The following DNAJC25 variants were observed in gnomAD, a reference collection of about 807,000 sequenced individuals.
DNAJC25 encodes the protein dnaJ homolog subfamily C member 25.
DNAJC25 carries 26 observed loss-of-function variants against 42.1 expected under a neutral mutation model. That is an observed-to-expected ratio of 0.62 (90% CI 0.45 to 0.86). DNAJC25 has a LOEUF of 0.86. Among genes scored for constraint, DNAJC25 ranks in the 40% least tolerant of loss-of-function variants. The probability of loss-of-function intolerance (pLI) is 0.00; values close to 1 mark genes in which losing one functional copy is unlikely to be tolerated. For missense variants in DNAJC25, 404 were observed against 459.4 expected (o/e 0.88, Z 1.10); for synonymous variants, 189 against 179.9 (o/e 1.05, Z -0.40).
At chr9:111,633,431 A>G (rs1384446584) in intron 1 of DNAJC25, among the ~76,000 whole-genome samples, 1 of 152,194 alleles carries the variant, frequency 6.6e-6, no homozygotes, top group African/African-American at 2.4e-5. Flanking sequence ...GATTTCACAC[A>G]CTGCTTTATA....
At chr9:111,643,689 T>A (rs764614445) in intron 1 of DNAJC25, among the ~76,000 whole-genome samples, 27 of 150,362 alleles carry the variant, frequency 1.8e-4, no homozygotes, top group Non-Finnish European at 3.5e-4. Flanking sequence ...CCTGGTGGCA[T>A]GCAAAGGAAA....
rs570363437 is a variant in DNAJC25 at position 111,650,722 on chromosome 9, C to T, written c.960+799C>T. ...TGTTGTCTAGGATGGTCTCAAACTC[C>T]TGAGCTCAAGCAATCTGCCCACCTT... is the stretch of plus-strand genomic sequence containing the variant. On this transcript the variant is annotated intron_variant, in intron 3 of 3. Transcript: ENST00000313525. 4.6e-5 allele frequency among the ~76,000 whole-genome samples: 7 copies of T among 152,218 alleles called. No individual in the cohort carries two copies. The East Asian group carries it at 1.4e-3, about 29-fold the overall frequency.
chr9:111,648,477 C>A (rs540713457), intron 2 of DNAJC25, among the ~76,000 whole-genome samples: 23 of 151,986 alleles, frequency 1.5e-4, no homozygotes, highest in African/African-American at 5.3e-4. Context: ...GCCGTGTTGC[C>A]CAGGCTGGTC....
Position 111,631,538 on chromosome 9 carries a change from A to C in DNAJC25, c.131A>C (p.Tyr44Ser). 2 of 1,375,990 alleles carry C rather than the reference A, an allele frequency of 1.5e-6. No individual in the cohort carries two copies. Among genetic ancestry groups the C allele is most frequent in the Non-Finnish European group, 1.9e-6 (2 of 1,073,050 alleles). 85.2% of individuals were successfully genotyped at this position (1,375,990 alleles called of 1,614,324 possible). A position where few individuals can be genotyped will look rare whatever the true frequency, so the allele number is the denominator to read the frequency against. ...GCGGGGGCCCTGGTGGAGGGGCTCTACTGCGGCACGCGGGACTGCTACGAG... is the reference window on the plus strand; with the variant it reads ...GCGGGGGCCCTGGTGGAGGGGCTCTCCTGCGGCACGCGGGACTGCTACGAG... ...RPAGALVEGLYCGTRDCYEVL... is the reference protein window; with the variant it reads ...RPAGALVEGLSCGTRDCYEVL... Residue 44 changes from tyrosine (Y) to serine (S), a missense_variant, in exon 1 of 4, where the codon TAC (tyrosine) becomes TCC (serine). Physicochemically the swap from Tyr to Ser is moderately radical, Grantham distance 144. Transcript: ENST00000313525.
intron 1 of DNAJC25, among the ~76,000 whole-genome samples, chr9:111,639,523 ATAGAGAAGAAGATAAGTTGCACTAGTGAC>A (rs1375636056): frequency 6.6e-6 from 1 of 152,186 alleles, no homozygotes; most frequent in Admixed American, 6.5e-5. Flanking sequence ...AGAAGAGAAG[ATAGAGAAGAAGATAAGTTGCACTAGTGAC>A]TAGTGGGCAG....
At chr9:111,638,928 ACTCG>A (rs1830403345) in intron 1 of DNAJC25, among the ~76,000 whole-genome samples, 1 of 151,400 alleles carries the variant, frequency 6.6e-6, no homozygotes, top group African/African-American at 2.4e-5. Flanking sequence ...TATATTTACT[ACTCG>A]TTTCTTCCTA....
Position 111,647,175 on chromosome 9 carries a change from C to T in DNAJC25, c.405C>T (p.Tyr135=). ...DHPEEYYSHY[Y]HYYSRRLAPK... ...CAGAAGAGTACTACAGCCATTACTA[C>T]CACTACTATAGCAGGCGCTTGGCCC... Residue 135 remains tyrosine, a synonymous_variant, in exon 2 of 4, where the codon TAC becomes TAT. Transcript: ENST00000313525. 6.2e-7 allele frequency: 1 copy of T among 1,614,162 alleles called. No homozygotes were observed. Among genetic ancestry groups the T allele is most frequent in the Non-Finnish European group, 8.5e-7 (1 of 1,180,028 alleles).
chr9:111,647,318 T>C, intron 2 of DNAJC25, 59 bp downstream of exon 2: 1 of 1,562,424 alleles, frequency 6.4e-7, no homozygotes, highest in East Asian at 2.3e-5. Context: ...CATTGCCTAG[T>C]GCTAGTCATT....
At chr9:111,638,177 A>G (rs773272736) in intron 1 of DNAJC25, among the ~76,000 whole-genome samples, 3 of 152,244 alleles carry the variant, frequency 2.0e-5, no homozygotes, top group Admixed American at 6.5e-5. Context: ...CAAATACAGA[A>G]TGAACATGTG....
At chr9:111,638,124 G>A (rs1830390700) in intron 1 of DNAJC25, among the ~76,000 whole-genome samples, 1 of 152,208 alleles carries the variant, frequency 6.6e-6, no homozygotes, top group South Asian at 2.1e-4. Context: ...TCTTATCTTT[G>A]TGAAAGCATA....
intron 1 of DNAJC25, among the ~76,000 whole-genome samples, chr9:111,641,094 A>T (rs1235050229): frequency 6.9e-5 from 5 of 72,152 alleles, no homozygotes; most frequent in Admixed American, 1.4e-4. Context: ...GGAGCCCCTC[A>T]GCCTGGCCAG....
At chr9:111,637,775 C>T (rs1830385827) in intron 1 of DNAJC25, among the ~76,000 whole-genome samples, 1 of 152,184 alleles carries the variant, frequency 6.6e-6, no homozygotes, top group Non-Finnish European at 1.5e-5. Context: ...AACTTTGTGT[C>T]ATGTGATATT....
chr9:111,643,456 ACTGT>A (rs1278956322), intron 1 of DNAJC25, among the ~76,000 whole-genome samples: 1 of 152,226 alleles, frequency 6.6e-6, no homozygotes, highest in African/African-American at 2.4e-5. Context: ...GAACGATCCA[ACTGT>A]CTGGGGCAGT....
At chr9:111,641,195 C>A (rs1420655175) in intron 1 of DNAJC25, among the ~76,000 whole-genome samples, 4 of 132,964 alleles carry the variant, frequency 3.0e-5, no homozygotes, top group Non-Finnish European at 6.5e-5. Context: ...CAGCCCCCCG[C>A]CTGGCCAGCC....
At chr9:111,650,019 T>A in intron 3 of DNAJC25, 96 bp downstream of exon 3, 1 of 1,165,904 alleles carries the variant, frequency 8.6e-7, no homozygotes, top group Non-Finnish European at 1.2e-6. Context: ...GTGCTCACAT[T>A]TCTGAAATCC....
At chr9:111,642,603 CAATA>C (rs200546212) in intron 1 of DNAJC25, among the ~76,000 whole-genome samples, 39,860 of 109,084 alleles carry the variant, frequency 0.37, 6,291 homozygotes, top group South Asian at 0.41. Context: ...CAAGAATTAT[CAATA>C]AATAAATAAA....
chr9:111,646,566 G>T (rs1285897919), intron 1 of DNAJC25, among the ~76,000 whole-genome samples: 1 of 152,200 alleles, frequency 6.6e-6, no homozygotes, highest in Non-Finnish European at 1.5e-5. Flanking sequence ...GGCTCAGAGA[G>T]GCTAAATATT....
intron 1 of DNAJC25, among the ~76,000 whole-genome samples, chr9:111,635,236 C>G (rs12380862): frequency 6.6e-6 from 1 of 152,136 alleles, no homozygotes; most frequent in Non-Finnish European, 1.5e-5. Context: ...CCTACTAAAC[C>G]ATGCTCCTCA....
In DNAJC25 at chr9:111,653,272, A is replaced by G. The variant is rs773933796; in HGVS notation, c.*50A>G. On this transcript the variant is annotated 3_prime_UTR_variant, in exon 4 of 4. Coordinates refer to ENST00000313525, the MANE Select transcript of DNAJC25 (RefSeq NM_001015882.3). ...AAACCTTAATTGTGATATTATTTTC[A>G]TAACTGAATTATTTTAGAAATGTAT... 8 of 1,421,772 alleles carry G rather than the reference A, an allele frequency of 5.6e-6. No homozygotes were observed. The highest frequency in any genetic ancestry group is 3.7e-4 in the Middle Eastern group (2 of 5,368). 88.1% of individuals were successfully genotyped at this position (1,421,772 alleles called of 1,614,324 possible).
Sources: gnomAD v4.1 joint callset for allele counts (sites outside exome capture counted in the v4.1 genomes callset) on GRCh38, gnomAD v4.1.1 for gene constraint, MANE v1.5 for transcripts, NCBI Gene and HGNC (gene_info 2026-07-23, HGNC 2026-07-21) for gene names.